TTC7B: variants seen among roughly 807,000 people sequenced by gnomAD.
The protein encoded by TTC7B is tetratricopeptide repeat domain 7B.
A neutral mutation model predicts 106.8 loss-of-function variants in TTC7B; 28 were observed. The observed-to-expected ratio is 0.26, with a 90% confidence interval of 0.19 to 0.36. The LOEUF (loss-of-function observed/expected upper bound fraction) is 0.36. TTC7B is among the 10% of genes least tolerant of loss of function. The pLI is 1.00. For synonymous variants in TTC7B, 405 were observed against 430.6 expected, an observed-to-expected ratio of 0.94 and a Z score of 0.74; for missense variants, 862 against 1,076.4, an observed-to-expected ratio of 0.80 and a Z score of 2.79.
chr14:90,730,155 G>C lies in TTC7B; in HGVS notation c.618C>G (p.Gly206=), dbSNP rs1270130559. Residue 206 remains glycine (G), a synonymous_variant, in exon 5 of 20, where the codon GGC becomes GGG. Transcript: ENST00000328459. The part of the protein sequence containing the change: ...SNIQNRSPKP[G]PAPHDQELGF... Reference sequence around the variant, plus strand: ...CTAGTTCTTGATCGTGGGGAGCAGGGCCAGGCTTAGGGCTTCTGTTTTGAA... The same window carrying C: ...CTAGTTCTTGATCGTGGGGAGCAGGCCCAGGCTTAGGGCTTCTGTTTTGAA... 1 of 1,613,678 alleles carries C rather than the reference G, an allele frequency of 6.2e-7. No individual in the cohort carries two copies. The highest frequency in any genetic ancestry group is 8.5e-7 in the Non-Finnish European group (1 of 1,179,848).
intron 5 of TTC7B, among the ~76,000 whole-genome samples, chr14:90,725,561 C>T (rs760856028): frequency 1.5e-4 from 23 of 152,304 alleles, no homozygotes; most frequent in Non-Finnish European, 2.5e-4. Context: ...ATTATAAAAA[C>T]AGAGGTCCAA....
At chr14:90,809,026 G>T (rs1212756975) in intron 1 of TTC7B, among the ~76,000 whole-genome samples, 3 of 152,204 alleles carry the variant, frequency 2.0e-5, no homozygotes, top group Admixed American at 1.3e-4. Flanking sequence ...TCACATAACA[G>T]GAAGTCCAGA....
intron 4 of TTC7B, among the ~76,000 whole-genome samples, chr14:90,730,994 G>A (rs964451095): frequency 3.3e-5 from 5 of 152,158 alleles, no homozygotes; most frequent in Non-Finnish European, 7.3e-5. Flanking sequence ...CGCCCAGGCT[G>A]GAGTGCAGTG....
At chr14:90,722,822 A>T (rs944047166) in intron 5 of TTC7B, among the ~76,000 whole-genome samples, 1 of 152,144 alleles carries the variant, frequency 6.6e-6, no homozygotes, top group East Asian at 1.9e-4. Flanking sequence ...TTTGGCTTTC[A>T]CAAGGACACA....
At chr14:90,549,718 C>T (rs1889996165) in intron 19 of TTC7B, among the ~76,000 whole-genome samples, 1 of 152,096 alleles carries the variant, frequency 6.6e-6, no homozygotes. Flanking sequence ...CTAGCTCCAC[C>T]GTTTACTTGG....
At chr14:90,785,667 T>A (rs1021551588) in intron 2 of TTC7B, among the ~76,000 whole-genome samples, 6 of 152,168 alleles carry the variant, frequency 3.9e-5, no homozygotes, top group African/African-American at 1.4e-4. Flanking sequence ...TAAGATTCCT[T>A]GTGCCTGAGG....
rs1437617924 is a variant in TTC7B at position 90,808,283 on chromosome 14, G to GA, written c.121+7891dup. Reference sequence around the variant, plus strand: ...CAACATAGGGAAACCCGTCTCTACAGAAAAAATGAAGAGAGAGAGAGAGAA... The same window carrying GA: ...CAACATAGGGAAACCCGTCTCTACAGAAAAAAATGAAGAGAGAGAGAGAGAA... On this transcript the variant is annotated intron_variant, in intron 1 of 19. Transcript: ENST00000328459. This position sits in a 1 kb window ranked among gnomAD's most constrained non-coding sequence, Gnocchi z 4.2. Among the ~76,000 whole-genome samples, 3 of 152,074 alleles carry GA rather than the reference G, an allele frequency of 2.0e-5. No individual in the cohort carries two copies. The highest frequency in any genetic ancestry group is 4.8e-5 in the African/African-American group (2 of 41,420).
At chr14:90,581,073 G>A (rs74081228) in intron 18 of TTC7B, among the ~76,000 whole-genome samples, 1,885 of 152,252 alleles carry the variant, frequency 0.012, 29 homozygotes, top group African/African-American at 0.044. Context: ...TGGAAGAAGC[G>A]GGCCTCGCCT....
At chr14:90,673,712 G>A (rs977860036) in intron 9 of TTC7B, among the ~76,000 whole-genome samples, 1 of 152,100 alleles carries the variant, frequency 6.6e-6, no homozygotes, top group African/African-American at 2.4e-5. Context: ...GCTAATGAAT[G>A]GAAAAACAAA....
At chr14:90,666,303 A>G (rs1377132268) in intron 9 of TTC7B, among the ~76,000 whole-genome samples, 1 of 152,310 alleles carries the variant, frequency 6.6e-6, no homozygotes, top group African/African-American at 2.4e-5. Flanking sequence ...CTGGGATTAC[A>G]GGCGTGCGCC....
intron 3 of TTC7B, chr14:90,766,861 C>G: frequency 6.3e-7 from 1 of 1,596,068 alleles, no homozygotes; most frequent in Non-Finnish European, 8.6e-7. Context: ...CCATGAAGAC[C>G]TGGAGCGACT....
chr14:90,775,632 A>G (rs1473888385), intron 3 of TTC7B, among the ~76,000 whole-genome samples: 3 of 152,084 alleles, frequency 2.0e-5, no homozygotes, highest in Admixed American at 6.5e-5. Flanking sequence ...CTGGGCACAG[A>G]GGTTACTCAG....
intron 16 of TTC7B, among the ~76,000 whole-genome samples, chr14:90,617,511 G>A (rs1893133882): frequency 6.6e-6 from 1 of 152,160 alleles, no homozygotes; most frequent in Non-Finnish European, 1.5e-5. Flanking sequence ...TCTCTTCTTA[G>A]TAGCATGCGG....
chr14:90,654,250 A>G (rs1283208937), intron 12 of TTC7B, among the ~76,000 whole-genome samples: 1 of 152,184 alleles, frequency 6.6e-6, no homozygotes, highest in Admixed American at 6.5e-5. Context: ...TAATGACTAC[A>G]GGATATTTTG....
chr14:90,569,320 G>A (rs1400090843), intron 19 of TTC7B, among the ~76,000 whole-genome samples: 1 of 152,188 alleles, frequency 6.6e-6, no homozygotes, highest in Admixed American at 6.5e-5. Context: ...GCCTTGTACC[G>A]ACACTGTGAT....
In TTC7B at chr14:90,816,424, G is replaced by T; in HGVS notation, c.-129C>A. 2.5e-6 allele frequency: 1 copy of T among 397,708 alleles called. No homozygotes were observed. Among genetic ancestry groups the T allele is most frequent in the Non-Finnish European group, 3.4e-6 (1 of 296,362 alleles). 24.6% of individuals were successfully genotyped at this position (397,708 alleles called of 1,614,324 possible). On this transcript the variant is annotated 5_prime_UTR_variant, in exon 1 of 20. Coordinates refer to ENST00000328459, the MANE Select transcript of TTC7B (RefSeq NM_001010854.2). ...CCCGGCTCCGCGGCGTAACGGGAGC[G>T]CCGGCTGGGGAAGGGGCGGGGAGGC...
chr14:90,744,719 G>A, intron 4 of TTC7B, 73 bp downstream of exon 4: 1 of 1,507,808 alleles, frequency 6.6e-7, no homozygotes, highest in East Asian at 2.3e-5. Context: ...GCTTCCTAGA[G>A]ATTAATCTCA....
At chr14:90,806,301 G>T (rs1020351011) in intron 1 of TTC7B, among the ~76,000 whole-genome samples, 4 of 152,232 alleles carry the variant, frequency 2.6e-5, no homozygotes, top group African/African-American at 9.6e-5. Context: ...GCAGCCGTGG[G>T]CTGAAGCCCG....
chr14:90,648,559 C>T (rs1001398499), intron 13 of TTC7B: 6 of 151,978 alleles, frequency 3.9e-5, no homozygotes, highest in African/African-American at 1.2e-4. Flanking sequence ...AACATGCTAT[C>T]CAGGCTAGTC....
Sources: gnomAD v4.1 joint callset for allele counts (sites outside exome capture counted in the v4.1 genomes callset) on GRCh38, gnomAD v4.1.1 for gene constraint, Gnocchi (gnomAD v3.1) non-coding constraint, MANE v1.5 for transcripts, NCBI Gene and HGNC (gene_info 2026-07-23, HGNC 2026-07-21) for gene names.